Variants in INTS4 observed in about 807,000 individuals in gnomAD.
INTS4 encodes the protein integrator complex subunit 4.
INTS4 carries 70 observed loss-of-function variants against 119.5 expected under a neutral mutation model. The observed-to-expected ratio is 0.59, with a 90% CI of 0.48 to 0.71. INTS4 has a LOEUF of 0.71. INTS4 is among the 30% of genes least tolerant of loss of function. The pLI is 0.00. For missense variants in INTS4, 867 were observed against 1,173.2 expected (o/e 0.74, Z 3.81); for synonymous variants, 316 against 419.6 (o/e 0.75, Z 3.02).
chr11:77,881,597 G>C (rs537587376), intron 22 of INTS4, among the ~76,000 whole-genome samples: 3 of 152,204 alleles, frequency 2.0e-5, no homozygotes, highest in Admixed American at 2.0e-4. Flanking sequence ...CTGCAGAGTT[G>C]GTCTAAAGAT....
At position 77,972,782 on chromosome 11, in the gene INTS4, A is replaced by G. The variant is rs569540544; in HGVS notation, c.471+6214T>C. Among the ~76,000 whole-genome samples the G allele has an allele frequency of 2.7e-5, 4 of 149,588 alleles. No homozygotes were observed. In the East Asian group the frequency reaches 7.8e-4, roughly 29 times the overall value. ...TCATATAGTACCATAGTATCTGGATATTACTGGTGCTTCTTTTGTTAGATT... is the reference window on the plus strand; with the variant it reads ...TCATATAGTACCATAGTATCTGGATGTTACTGGTGCTTCTTTTGTTAGATT... On this transcript the variant is annotated intron_variant, in intron 4 of 22. Transcript: ENST00000534064.
chr11:77,917,272 AT>A lies in INTS4; in HGVS notation c.1922+1548del, dbSNP rs1475430689. On this transcript the variant is annotated intron_variant, in intron 15 of 22. Transcript: ENST00000534064. ...TACTCTTCCGGGCAGATCAAAAGAG[AT>A]CTCAACTAAGATACAAATTATATAA... Among the ~76,000 whole-genome samples the A allele has an allele frequency of 4.6e-5, 7 of 152,110 alleles. No individual in the cohort carries two copies. In the East Asian group the frequency reaches 1.4e-3, roughly 29 times the overall value.
At chr11:77,885,368 C>A (rs1181905708) in intron 21 of INTS4, among the ~76,000 whole-genome samples, 1 of 152,068 alleles carries the variant, frequency 6.6e-6, no homozygotes, top group Non-Finnish European at 1.5e-5. Flanking sequence ...TGAGCCACCA[C>A]ACCTGGCCTA....
At chr11:77,874,865 C>A (rs755012632), downstream of INTS4, among the ~76,000 whole-genome samples, 4 of 152,080 alleles carry the variant, frequency 2.6e-5, no homozygotes, top group Non-Finnish European at 4.4e-5. Flanking sequence ...GGTGAAACCC[C>A]ATCTCTACTA....
intron 2 of INTS4, among the ~76,000 whole-genome samples, chr11:77,981,885 C>A (rs1049119443): frequency 2.6e-5 from 4 of 151,946 alleles, no homozygotes; most frequent in Non-Finnish European, 4.4e-5. Context: ...ACATTACATC[C>A]AAATACTGCA....
intron 10 of INTS4, among the ~76,000 whole-genome samples, chr11:77,931,777 A>C (rs193047355): frequency 7.9e-5 from 12 of 152,360 alleles, no homozygotes; most frequent in Admixed American, 5.9e-4. Flanking sequence ...GGCCTCAGAA[A>C]TAACACCACA....
At chr11:77,984,155 C>G (rs1856360708) in intron 2 of INTS4, among the ~76,000 whole-genome samples, 1 of 151,916 alleles carries the variant, frequency 6.6e-6, no homozygotes, top group African/African-American at 2.4e-5. Context: ...CTTTATAATT[C>G]CACTTATATG....
Position 77,979,131 on chromosome 11 carries a change from T to C in INTS4, c.365-29A>G, listed in dbSNP as rs781226668. ...GAGAGGGAGATAGAAAGTTGGCTTG[T>C]AGAATTTCGAAAGGGGTAACTATAT... On this transcript the variant is annotated intron_variant, in intron 3 of 22. Transcript: ENST00000534064. The C allele has an allele frequency of 5.0e-6, 7 of 1,396,370 alleles. No homozygotes were observed. In the East Asian group the frequency reaches 9.2e-5, roughly 18 times the overall value. The allele number at this position is 1,396,370 out of a possible 1,614,324, so 86.5% of individuals were successfully genotyped here. A position where few individuals can be genotyped will look rare whatever the true frequency, so the allele number is the denominator to read the frequency against.
rs1293283177 is a variant in INTS4 at position 77,969,003 on chromosome 11, G to C, written c.472-7865C>G. Among the ~76,000 whole-genome samples the C allele has an allele frequency of 3.3e-5, 5 of 151,468 alleles. No individual in the cohort carries two copies. In the East Asian group the frequency reaches 7.8e-4, roughly 24 times the overall value. ...CTGTCGCCCAGGCTGGGGTGCAGTGGTGTGATCTCAGCTCACTGCAGCCTC... is the reference window on the plus strand; with the variant it reads ...CTGTCGCCCAGGCTGGGGTGCAGTGCTGTGATCTCAGCTCACTGCAGCCTC... On this transcript the variant is annotated intron_variant, in intron 4 of 22. Coordinates refer to ENST00000534064, the MANE Select transcript of INTS4 (RefSeq NM_033547.4).
chr11:77,892,031 T>C (rs902557196), intron 19 of INTS4, among the ~76,000 whole-genome samples, 191 bp from the exon 20 acceptor site: 1 of 152,212 alleles, frequency 6.6e-6, no homozygotes, highest in African/African-American at 2.4e-5. Context: ...AAGGCCTCTG[T>C]TTATTGATAA....
At chr11:77,938,904 G>A in intron 9 of INTS4, 79 bp from the exon 10 acceptor site, 1 of 1,048,160 alleles carries the variant, frequency 9.5e-7, no homozygotes, top group East Asian at 2.5e-5. Context: ...ACATGGGAAG[G>A]CAGAAAATAA....
At chr11:77,922,975 T>C (rs780064650) in intron 12 of INTS4, among the ~76,000 whole-genome samples, 1 of 152,202 alleles carries the variant, frequency 6.6e-6, no homozygotes, top group Non-Finnish European at 1.5e-5. Flanking sequence ...GGAATGACCC[T>C]TCCTTTCTGT....
chr11:77,903,435 G>T, intron 17 of INTS4, 105 bp downstream of exon 17: 3 of 1,607,414 alleles, frequency 1.9e-6, no homozygotes, highest in South Asian at 2.2e-5. Flanking sequence ...AACTTTTCCT[G>T]CAAGGCCTAC....
intron 2 of INTS4, among the ~76,000 whole-genome samples, chr11:77,989,831 C>T (rs1032293978): frequency 1.3e-5 from 2 of 151,934 alleles, no homozygotes; most frequent in Non-Finnish European, 2.9e-5. Context: ...CCTCGGAGGT[C>T]GAGGGTACAG....
chr11:77,920,627 CAGATCACGAGGTCAGG>C (rs1953335233), intron 14 of INTS4, among the ~76,000 whole-genome samples: 1 of 151,750 alleles, frequency 6.6e-6, no homozygotes, highest in South Asian at 2.1e-4. Flanking sequence ...CCGAGGCAGG[CAGATCACGAGGTCAGG>C]AGATCAAGAC....
chr11:77,969,183 C>T (rs1188566079), intron 4 of INTS4, among the ~76,000 whole-genome samples: 2 of 152,140 alleles, frequency 1.3e-5, no homozygotes, highest in African/African-American at 2.4e-5. Context: ...GATCTGCCTG[C>T]TTTGGCCTCC....
intron 2 of INTS4, 45 bp downstream of exon 2, chr11:77,991,063 C>T: frequency 6.6e-7 from 1 of 1,518,972 alleles, no homozygotes; most frequent in African/African-American, 1.4e-5. Flanking sequence ...AGACATGATA[C>T]AACTCCCATG....
chr11:77,974,963 T>C (rs1169059546), intron 4 of INTS4, among the ~76,000 whole-genome samples: 1 of 152,204 alleles, frequency 6.6e-6, no homozygotes, highest in Non-Finnish European at 1.5e-5. Flanking sequence ...TTTCTGAGTC[T>C]AGTAATTTGA....
chr11:77,886,660 G>A (rs1175316446), intron 21 of INTS4, among the ~76,000 whole-genome samples: 5 of 152,194 alleles, frequency 3.3e-5, no homozygotes, highest in African/African-American at 4.8e-5. Flanking sequence ...TGGGCTTGGC[G>A]GAATCAGCAG....
Sources: gnomAD v4.1 joint callset for allele counts (sites outside exome capture counted in the v4.1 genomes callset) on GRCh38, gnomAD v4.1.1 for gene constraint, MANE v1.5 for transcripts, NCBI Gene and HGNC (gene_info 2026-07-23, HGNC 2026-07-21) for gene names.